Variants in LRP1B observed in about 807,000 individuals in gnomAD.
LRP1B encodes the protein low-density lipoprotein receptor-related protein 1B.
Under a neutral mutation model 556.6 loss-of-function variants are expected in LRP1B, and 217 were observed. That is an observed-to-expected ratio of 0.39 (90% CI 0.35 to 0.44). The LOEUF is 0.44. Ranked by LOEUF, LRP1B falls within the 20% of genes least tolerant of loss-of-function variation. The pLI is 1.00. For synonymous variants in LRP1B, 2,047 were observed against 1,865.8 expected, an observed-to-expected ratio of 1.10 and a Z score of -2.50; for missense variants, 5,053 against 5,620.8, an observed-to-expected ratio of 0.90 and a Z score of 3.23.
intron 20 of LRP1B, among the ~76,000 whole-genome samples, chr2:140,928,086 G>C (rs1694940192): frequency 6.6e-6 from 1 of 151,824 alleles, no homozygotes; most frequent in South Asian, 2.1e-4. Flanking sequence ...CAAGGAATAA[G>C]ACAGAGACTT....
At chr2:140,730,448 T>C (rs893207031) in intron 35 of LRP1B, among the ~76,000 whole-genome samples, 2 of 152,006 alleles carry the variant, frequency 1.3e-5, no homozygotes, top group East Asian at 1.9e-4. Flanking sequence ...CCATTTTACA[T>C]GTACACATAT....
chr2:141,264,597 A>G lies in LRP1B; in HGVS notation c.344-9956T>C, dbSNP rs968345731. 7.2e-5 allele frequency among the ~76,000 whole-genome samples: 11 copies of G among 152,040 alleles called. 1 individual carries two copies. The East Asian group carries it at 1.9e-3, about 27-fold the overall frequency. ...AGCCTCCTGAGTTTCTGGGACCACA[A>G]GTGCCCGCCATCACACCCGGATAAA... On this transcript the variant is annotated intron_variant, in intron 3 of 90. Transcript: ENST00000389484.
At chr2:140,439,322 C>T (rs889568741) in intron 66 of LRP1B, among the ~76,000 whole-genome samples, 9 of 152,190 alleles carry the variant, frequency 5.9e-5, no homozygotes, top group African/African-American at 1.9e-4. Flanking sequence ...TCAGCCTCTA[C>T]AGTCTAATAT....
At chr2:140,742,207 T>C (rs1688165345) in intron 35 of LRP1B, among the ~76,000 whole-genome samples, 1 of 152,244 alleles carries the variant, frequency 6.6e-6, no homozygotes, top group Non-Finnish European at 1.5e-5. Context: ...AGGACCAATG[T>C]AATTGACTGA....
At position 140,716,897 on chromosome 2, in the gene LRP1B, C is replaced by T. The variant is rs371060417; in HGVS notation, c.5759-81G>A. On this transcript the variant is annotated intron_variant, in intron 35 of 90. Transcript: ENST00000389484. ...TATCGGTGTTAGGATCATATTGCAA[C>T]AGTATCTTTTAGGATATCATCCTGG... 348 of 687,774 alleles carry T rather than the reference C, an allele frequency of 5.1e-4. 6 individuals are homozygous for T. The Middle Eastern group carries it at 9.9e-3, about 20-fold the overall frequency. The allele number at this position is 687,774 out of a possible 1,614,324, so 42.6% of individuals were successfully genotyped here. A position where few individuals can be genotyped will look rare whatever the true frequency, so the allele number is the denominator to read the frequency against.
intron 51 of LRP1B, among the ~76,000 whole-genome samples, chr2:140,511,290 G>GTTTTTTT (rs1178038693): frequency 2.4e-5 from 2 of 82,618 alleles, no homozygotes; most frequent in Admixed American, 1.4e-4. Context: ...TCCTCTAAGG[G>GTTTTTTT]TCTTTTTTTT....
chr2:141,852,146 T>C (rs894894945), intron 1 of LRP1B, among the ~76,000 whole-genome samples: 2 of 151,766 alleles, frequency 1.3e-5, no homozygotes, highest in African/African-American at 4.8e-5. Flanking sequence ...GGGTTAACGG[T>C]ATGGTCAGTT....
At chr2:141,747,432 G>A (rs1362159135) in intron 2 of LRP1B, among the ~76,000 whole-genome samples, 2 of 152,166 alleles carry the variant, frequency 1.3e-5, no homozygotes, top group Non-Finnish European at 2.9e-5. Context: ...GTAGTAAACT[G>A]TACATGTGAC....
chr2:142,066,008 G>C (rs1559051642), intron 1 of LRP1B, among the ~76,000 whole-genome samples: 1 of 151,204 alleles, frequency 6.6e-6, no homozygotes, highest in Admixed American at 6.6e-5. Flanking sequence ...ACAGACACAG[G>C]ATAACAATTA....
chr2:141,645,469 CTTTTTTTTT>C (rs750147915), intron 2 of LRP1B, among the ~76,000 whole-genome samples: 1 of 48,392 alleles, frequency 2.1e-5, no homozygotes, highest in Admixed American at 2.5e-4. Flanking sequence ...GAAGACAAGG[CTTTTTTTTT>C]TTTTTTTTTT....
chr2:140,397,940 A>C (rs1684323431), intron 66 of LRP1B, among the ~76,000 whole-genome samples: 1 of 152,142 alleles, frequency 6.6e-6, no homozygotes, highest in African/African-American at 2.4e-5. Context: ...TAAAATTCTT[A>C]GGTGCAATCT....
At chr2:141,282,682 A>G (rs1685553840) in intron 3 of LRP1B, among the ~76,000 whole-genome samples, 1 of 152,094 alleles carries the variant, frequency 6.6e-6, no homozygotes, top group African/African-American at 2.4e-5. Context: ...TAGAATTACT[A>G]TTAAAGTGCA....
intron 2 of LRP1B, among the ~76,000 whole-genome samples, chr2:141,760,992 T>C (rs1416597276): frequency 6.6e-6 from 1 of 152,210 alleles, no homozygotes; most frequent in African/African-American, 2.4e-5. Flanking sequence ...GTTTAGCACC[T>C]CTGTTCTTTT....
intron 23 of LRP1B, among the ~76,000 whole-genome samples, chr2:140,902,258 C>A (rs1169872869): frequency 4.6e-5 from 7 of 152,054 alleles, no homozygotes; most frequent in African/African-American, 9.7e-5. Context: ...CTTCTTTAAA[C>A]ACCCAATGGA....
intron 11 of LRP1B, among the ~76,000 whole-genome samples, chr2:141,035,226 G>A (rs1176536829): frequency 6.6e-6 from 1 of 151,664 alleles, no homozygotes; most frequent in Non-Finnish European, 1.5e-5. Context: ...AAGGGGGGAG[G>A]GATAGCATTA....
At chr2:141,120,971 T>G in intron 7 of LRP1B, among the ~76,000 whole-genome samples, 1 of 152,046 alleles carries the variant, frequency 6.6e-6, no homozygotes, top group East Asian at 1.9e-4. Context: ...TAACATTAAT[T>G]ACTTTATTGG....
At chr2:142,067,831 T>G (rs990806460) in intron 1 of LRP1B, among the ~76,000 whole-genome samples, 4 of 151,582 alleles carry the variant, frequency 2.6e-5, no homozygotes, top group African/African-American at 7.2e-5. Flanking sequence ...TGTGGCTACT[T>G]TAAACATAAC....
At chr2:141,684,455 G>T (rs752577392) in intron 2 of LRP1B, among the ~76,000 whole-genome samples, 7 of 152,090 alleles carry the variant, frequency 4.6e-5, no homozygotes, top group Middle Eastern at 3.4e-3. Context: ...GGCCTGCCGG[G>T]GGGTGGGGGA....
At chr2:140,377,445 T>G (rs1683284827) in intron 68 of LRP1B, among the ~76,000 whole-genome samples, 1 of 152,196 alleles carries the variant, frequency 6.6e-6, no homozygotes, top group Non-Finnish European at 1.5e-5. Flanking sequence ...ATTATCCATG[T>G]GAAATCACTG....
Sources: allele counts gnomAD v4.1 joint callset (sites outside exome capture counted in the v4.1 genomes callset), GRCh38; gene constraint gnomAD v4.1.1; transcripts MANE v1.5; gene names NCBI Gene and HGNC (gene_info 2026-07-23, HGNC 2026-07-21).